Variants in CS observed in about 807,000 individuals in gnomAD.
CS encodes the protein citrate synthase, mitochondrial.
A neutral mutation model predicts 61.4 loss-of-function variants in CS; 13 were observed. The ratio of observed to expected loss-of-function variants is 0.21; its 90% CI spans 0.14 to 0.34. The LOEUF (loss-of-function observed/expected upper bound fraction) is 0.34. CS is among the 10% of genes least tolerant of loss of function. CS has a pLI of 1.00. For synonymous variants in CS, 159 were observed against 215.2 expected (o/e 0.74, Z 2.29); for missense variants, 278 against 573.4 (o/e 0.48, Z 5.26).
At chr12:56,285,305 T>C in intron 3 of CS, 1 of 429,682 alleles carries the variant, frequency 2.3e-6, no homozygotes, top group Non-Finnish European at 4.7e-6. Flanking sequence ...GTTTTGGAGA[T>C]AGGGTCTCCC....
chr12:56,295,699 A>T (rs1160427406), intron 1 of CS, among the ~76,000 whole-genome samples: 2 of 151,780 alleles, frequency 1.3e-5, no homozygotes, highest in Admixed American at 1.3e-4. Flanking sequence ...TCACGCCTGT[A>T]ATCCCAGCAC....
At chr12:56,293,203 C>A (rs560475746) in intron 1 of CS, among the ~76,000 whole-genome samples, 5 of 152,308 alleles carry the variant, frequency 3.3e-5, no homozygotes, top group African/African-American at 9.6e-5. Flanking sequence ...CATCTAGCAC[C>A]CTCACCCTAC....
chr12:56,277,296 G>A lies in CS; in HGVS notation c.589-1101C>T, dbSNP rs1340649323. ...AGGCAGATCATGAGGTCAGGAGATC[G>A]AGACCATCCTGGCTAACACGGTGAA... On this transcript the variant is annotated intron_variant, in intron 6 of 10. Coordinates refer to ENST00000351328, the MANE Select transcript of CS (RefSeq NM_004077.3). Among the ~76,000 whole-genome samples, 128 of 149,354 alleles carry A rather than the reference G, an allele frequency of 8.6e-4. 1 individual carries two copies. Among genetic ancestry groups the A allele is most frequent in the African/African-American group, 3.0e-3 (121 of 40,470 alleles).
At chr12:56,278,715 C>T (rs1053474870) in intron 6 of CS, among the ~76,000 whole-genome samples, 2 of 147,924 alleles carry the variant, frequency 1.4e-5, no homozygotes, top group Admixed American at 6.8e-5. Context: ...GCAGCCTGAG[C>T]GACAGAGACT....
At chr12:56,279,753 G>C (rs868584426) in intron 6 of CS, among the ~76,000 whole-genome samples, 1 of 149,784 alleles carries the variant, frequency 6.7e-6, no homozygotes, top group Admixed American at 6.7e-5. Context: ...GCAACAGAGC[G>C]AGACTCCATC....
At chr12:56,291,564 AGCT>A (rs1873127085) in intron 1 of CS, 1 of 159,124 alleles carries the variant, frequency 6.3e-6, no homozygotes. Flanking sequence ...TGCCAAAGAA[AGCT>A]GCTGAATGGC....
chr12:56,286,694 T>C, intron 1 of CS, 49 bp from the exon 2 acceptor site: 1 of 1,509,300 alleles, frequency 6.6e-7, no homozygotes, highest in Non-Finnish European at 9.2e-7. Flanking sequence ...CCTCCCTCTT[T>C]TATATTAACA....
At chr12:56,277,392 G>A (rs1191329846) in intron 6 of CS, among the ~76,000 whole-genome samples, 1 of 151,362 alleles carries the variant, frequency 6.6e-6, no homozygotes, top group Non-Finnish European at 1.5e-5. Context: ...CCAGCTACTC[G>A]GGAGGCTGAG....
intron 6 of CS, among the ~76,000 whole-genome samples, chr12:56,281,554 C>T (rs1345059340): frequency 6.6e-6 from 1 of 152,190 alleles, no homozygotes; most frequent in African/African-American, 2.4e-5. Flanking sequence ...TGTAAGATTT[C>T]TCAAAGTTTT....
intron 6 of CS, among the ~76,000 whole-genome samples, chr12:56,277,011 C>T (rs1404078416): frequency 6.6e-6 from 1 of 151,764 alleles, no homozygotes; most frequent in Non-Finnish European, 1.5e-5. Context: ...ACCAGCCTGG[C>T]CAACATGGTG....
At chr12:56,284,691 GGA>G (rs1872884460) in intron 3 of CS, among the ~76,000 whole-genome samples, 1 of 576 alleles carries the variant, frequency 1.7e-3, no homozygotes, top group African/African-American at 8.1e-3. Context: ...CACGACGTCA[GGA>G]TATCGAGACA....
intron 2 of CS, chr12:56,286,234 G>C (rs1872935722): frequency 3.5e-6 from 2 of 565,122 alleles, no homozygotes; most frequent in South Asian, 2.3e-5. Flanking sequence ...TCTCGGTTTG[G>C]GCAGACAAAA....
In CS at chr12:56,273,129, C is replaced by T; in HGVS notation, c.1356G>A (p.Met452Ile). 2 of 1,613,882 alleles carry T rather than the reference C, an allele frequency of 1.2e-6. No homozygotes were observed. The highest frequency in any genetic ancestry group is 1.7e-6 in the Non-Finnish European group (2 of 1,179,824). Residue 452 changes from methionine to isoleucine, a missense_variant, in exon 11 of 11, where the codon ATG becomes ATA. Coordinates refer to ENST00000351328, the MANE Select transcript of CS (RefSeq NM_004077.3). ...LGFPLERPKS[M>I]STEGLMKFVD... is the part of the protein sequence containing the mutation. ...CAAACTTCATCAGACCCTCTGTGCT[C>T]ATGGACTTGGGCCTTTCTAGAGGGA...
chr12:56,273,493 C>T, intron 10 of CS, 94 bp downstream of exon 10: 21 of 1,286,412 alleles, frequency 1.6e-5, no homozygotes, highest in Middle Eastern at 1.9e-4. Context: ...GAGGGAAGTC[C>T]CTGCTCTGAC....
rs189003439 is a variant in CS at position 56,286,228 on chromosome 12, G to T, written c.94-205C>A. 4 of 572,288 alleles carry T rather than the reference G, an allele frequency of 7.0e-6. No homozygotes were observed. In the African/African-American group the frequency reaches 7.5e-5, roughly 11 times the overall value. 35.5% of individuals were successfully genotyped at this position (572,288 alleles called of 1,614,324 possible). A position where few individuals can be genotyped will look rare whatever the true frequency, so the allele number is the denominator to read the frequency against. ...TAATGTTTAATGGGAACAGTTTCTC[G>T]GTTTGGGCAGACAAAAGTTCTGGAG... On this transcript the variant is annotated intron_variant, in intron 2 of 10. Coordinates refer to ENST00000351328, the MANE Select transcript of CS (RefSeq NM_004077.3).
intron 1 of CS, among the ~76,000 whole-genome samples, chr12:56,297,404 T>C (rs1478426104): frequency 6.6e-6 from 1 of 152,216 alleles, no homozygotes; most frequent in Non-Finnish European, 1.5e-5. Context: ...AACTCAGGTG[T>C]TTTAAATTAT....
At chr12:56,279,711 A>T (rs757864030) in intron 6 of CS, among the ~76,000 whole-genome samples, 7 of 151,946 alleles carry the variant, frequency 4.6e-5, no homozygotes, top group Admixed American at 2.6e-4. Flanking sequence ...GCTTGCAATC[A>T]GCTGAGATCG....
chr12:56,282,007 C>T (rs758972763), intron 6 of CS, among the ~76,000 whole-genome samples: 2 of 152,062 alleles, frequency 1.3e-5, no homozygotes, highest in South Asian at 2.1e-4. Flanking sequence ...TACAGGCGCC[C>T]GGCATCACGC....
chr12:56,286,128 C>T, intron 2 of CS, 105 bp from the exon 3 acceptor site: 1 of 847,012 alleles, frequency 1.2e-6, no homozygotes, highest in Non-Finnish European at 2.0e-6. Context: ...GCTTTATCTG[C>T]CAGGGAAGTC....
Sources: gnomAD v4.1 joint callset for allele counts (sites outside exome capture counted in the v4.1 genomes callset) on GRCh38, gnomAD v4.1.1 for gene constraint, MANE v1.5 for transcripts, NCBI Gene and HGNC (gene_info 2026-07-23, HGNC 2026-07-21) for gene names.